ZMAT4: variants seen among roughly 807,000 people sequenced by gnomAD.
ZMAT4 encodes the protein zinc finger matrin-type 4.
In ZMAT4, 17 loss-of-function variants were observed where a neutral mutation model predicts 28.7. The ratio of observed to expected loss-of-function variants is 0.59; its 90% CI spans 0.41 to 0.89. ZMAT4 has a LOEUF of 0.89. ZMAT4 is among the 40% of genes least tolerant of loss of function. The probability of loss-of-function intolerance (pLI) is 0.00; values close to 1 mark genes in which losing one functional copy is unlikely to be tolerated. For synonymous variants in ZMAT4, 117 were observed against 109.2 expected (o/e 1.07, Z -0.44); for missense variants, 240 against 283.8 (o/e 0.85, Z 1.11).
At chr8:40,811,810 C>A (rs540305664) in intron 2 of ZMAT4, among the ~76,000 whole-genome samples, 1 of 152,152 alleles carries the variant, frequency 6.6e-6, no homozygotes, top group African/African-American at 2.4e-5. Flanking sequence ...GAGATTCACA[C>A]CCCAATGTCA....
chr8:40,794,132 A>G (rs1436552382), intron 2 of ZMAT4, among the ~76,000 whole-genome samples: 1 of 152,178 alleles, frequency 6.6e-6, no homozygotes, highest in Non-Finnish European at 1.5e-5. Flanking sequence ...CATAAATATC[A>G]TTTAATCAAA....
intron 3 of ZMAT4, among the ~76,000 whole-genome samples, chr8:40,719,194 C>A (rs1051964083): frequency 7.9e-5 from 12 of 152,124 alleles, no homozygotes; most frequent in African/African-American, 2.9e-4. Flanking sequence ...GTAACCCCAG[C>A]ACTTTGGGAG....
chr8:40,627,720 C>T (rs1806426158), intron 5 of ZMAT4, among the ~76,000 whole-genome samples: 1 of 152,050 alleles, frequency 6.6e-6, no homozygotes, highest in African/African-American at 2.4e-5. Flanking sequence ...ATTTTAAATC[C>T]ATTGAGAGAA....
chr8:40,833,385 T>A (rs1487172275), intron 1 of ZMAT4, among the ~76,000 whole-genome samples: 2 of 151,848 alleles, frequency 1.3e-5, no homozygotes, highest in Admixed American at 6.6e-5. Context: ...CTGATCAACA[T>A]GGTGAAACCC....
chr8:40,772,556 G>A (rs1311792670), intron 2 of ZMAT4, among the ~76,000 whole-genome samples: 1 of 152,174 alleles, frequency 6.6e-6, no homozygotes, highest in Non-Finnish European at 1.5e-5. Context: ...CGATAACAAA[G>A]CAACCTTGTA....
At chr8:40,894,935 G>T (rs943532612) in intron 1 of ZMAT4, among the ~76,000 whole-genome samples, 1 of 152,168 alleles carries the variant, frequency 6.6e-6, no homozygotes, top group Non-Finnish European at 1.5e-5. Context: ...TCTTATTTCA[G>T]GGGACAATTT....
intron 2 of ZMAT4, among the ~76,000 whole-genome samples, chr8:40,812,776 C>T (rs1198418933): frequency 1.3e-5 from 2 of 151,754 alleles, no homozygotes; most frequent in South Asian, 2.1e-4. Flanking sequence ...ATTAAAAATA[C>T]AAAAAATTAG....
chr8:40,862,569 A>AT (rs34473209), intron 1 of ZMAT4, among the ~76,000 whole-genome samples: 3,064 of 108,376 alleles, frequency 0.028, 66 homozygotes, highest in Admixed American at 0.1. Context: ...TTAGAGTATA[A>AT]TAAAAAAAAA....
rs547707648 is a variant in ZMAT4, at chr8:40,570,218, C to T, written c.674+10947G>A. Among the ~76,000 whole-genome samples the T allele has an allele frequency of 1.3e-3, 194 of 152,038 alleles. 1 individual carries two copies. The highest frequency in any genetic ancestry group is 3.2e-3 in the Middle Eastern group (1 of 316). ...GTGATAGAAATCAGATAATGGTTAG[C>T]TGTGATGGGGGTAGGAAATTGGGCA... On this transcript the variant is annotated intron_variant, in intron 6 of 6. Coordinates refer to ENST00000297737, the MANE Select transcript of ZMAT4 (RefSeq NM_024645.3).
chr8:40,774,652 C>T (rs988628500), intron 2 of ZMAT4, among the ~76,000 whole-genome samples: 4 of 149,176 alleles, frequency 2.7e-5, no homozygotes, highest in African/African-American at 4.9e-5. Context: ...GAGCCACTGG[C>T]AAGCATAATG....
chr8:40,742,827 A>T (rs1280957672), intron 3 of ZMAT4, among the ~76,000 whole-genome samples: 9 of 152,202 alleles, frequency 5.9e-5, no homozygotes, highest in African/African-American at 1.9e-4. Context: ...ACAATTTCAC[A>T]AACTGGGGAA....
At chr8:40,804,486 T>A (rs1413838840) in intron 2 of ZMAT4, among the ~76,000 whole-genome samples, 1 of 152,222 alleles carries the variant, frequency 6.6e-6, no homozygotes, top group East Asian at 1.9e-4. Context: ...ATGATCATCT[T>A]CATAATCTTA....
chr8:40,670,620 G>C (rs1808624639), intron 5 of ZMAT4, among the ~76,000 whole-genome samples: 1 of 152,152 alleles, frequency 6.6e-6, no homozygotes, highest in Non-Finnish European at 1.5e-5. Context: ...TATTCATAAT[G>C]CATATATTCA....
chr8:40,739,399 C>T (rs183209909), intron 3 of ZMAT4, among the ~76,000 whole-genome samples: 2 of 152,160 alleles, frequency 1.3e-5, no homozygotes, highest in African/African-American at 2.4e-5. Flanking sequence ...TTCAAAATAA[C>T]ATATTTCTTT....
intron 1 of ZMAT4, among the ~76,000 whole-genome samples, chr8:40,849,278 C>G (rs11778522): frequency 6.6e-6 from 1 of 152,082 alleles, no homozygotes; most frequent in African/African-American, 2.4e-5. Flanking sequence ...TCATCATCTT[C>G]TAACCAAACA....
intron 1 of ZMAT4, among the ~76,000 whole-genome samples, chr8:40,880,939 CCAAA>C (rs1412281630): frequency 2.0e-5 from 3 of 152,114 alleles, no homozygotes; most frequent in Non-Finnish European, 4.4e-5. Context: ...TCAGCCCAAC[CCAAA>C]CAACCGCCCA....
At chr8:40,858,588 T>C (rs1325304035) in intron 1 of ZMAT4, among the ~76,000 whole-genome samples, 1 of 152,190 alleles carries the variant, frequency 6.6e-6, no homozygotes, top group Non-Finnish European at 1.5e-5. Context: ...ATTCAATGCC[T>C]TGACCCAGAG....
chr8:40,574,475 A>C (rs1804197137), intron 6 of ZMAT4, among the ~76,000 whole-genome samples: 1 of 152,192 alleles, frequency 6.6e-6, no homozygotes, highest in East Asian at 1.9e-4. Context: ...TCTCCTGGGT[A>C]GAATATGCAG....
chr8:40,678,315 G>T (rs1182538246), intron 4 of ZMAT4, among the ~76,000 whole-genome samples: 3 of 152,082 alleles, frequency 2.0e-5, no homozygotes, highest in Non-Finnish European at 2.9e-5. Flanking sequence ...TAACATAAAA[G>T]AATCTCTAAA....
Sources: allele counts gnomAD v4.1 joint callset (sites outside exome capture counted in the v4.1 genomes callset), GRCh38; gene constraint gnomAD v4.1.1; transcripts MANE v1.5; gene names NCBI Gene and HGNC (gene_info 2026-07-23, HGNC 2026-07-21).